Variants in IQUB observed in about 807,000 individuals in gnomAD.
IQUB encodes the protein IQ motif and ubiquitin-like domain-containing protein.
A neutral mutation model predicts 86.4 loss-of-function variants in IQUB; 86 were observed. The ratio of observed to expected loss-of-function variants is 1.00; its 90% confidence interval spans 0.84 to 1.19. The LOEUF is 1.19. Among genes scored for constraint, IQUB ranks in the 50% most tolerant of loss-of-function variants. The pLI is 0.00. For synonymous variants in IQUB, 289 were observed against 304.5 expected, an observed-to-expected ratio of 0.95 and a Z score of 0.53; for missense variants, 946 against 916.9, an observed-to-expected ratio of 1.03 and a Z score of -0.41.
At chr7:123,480,115 G>A in intron 7 of IQUB, 145 bp from the exon 8 acceptor site, 1 of 621,700 alleles carries the variant, frequency 1.6e-6, no homozygotes, top group Non-Finnish European at 2.7e-6. Context: ...CCTGATGCAT[G>A]AAAAAAGTGA....
chr7:123,514,809 G>C (rs1796570507), intron 1 of IQUB, among the ~76,000 whole-genome samples: 1 of 152,044 alleles, frequency 6.6e-6, no homozygotes, highest in Admixed American at 6.6e-5. Context: ...TTCAGGTATA[G>C]ATGTTATTTC....
chr7:123,495,428 T>C (rs1334142813), intron 7 of IQUB, among the ~76,000 whole-genome samples: 3 of 151,944 alleles, frequency 2.0e-5, no homozygotes, highest in African/African-American at 7.2e-5. Flanking sequence ...TGTAGCCAAT[T>C]AGAAAGGAAA....
chr7:123,530,040 A>C (rs1281147403), intron 1 of IQUB, among the ~76,000 whole-genome samples: 2 of 151,612 alleles, frequency 1.3e-5, no homozygotes, highest in African/African-American at 4.9e-5. Context: ...TCAAAAAGAA[A>C]ACAAAACAAA....
chr7:123,466,895 A>G (rs1017350792), intron 9 of IQUB, among the ~76,000 whole-genome samples: 1 of 152,066 alleles, frequency 6.6e-6, no homozygotes, highest in African/African-American at 2.4e-5. Flanking sequence ...CCATGCAGTT[A>G]CCTAATCCAT....
At chr7:123,455,420 T>A (rs998513260) in intron 12 of IQUB, among the ~76,000 whole-genome samples, 6 of 152,130 alleles carry the variant, frequency 3.9e-5, no homozygotes, top group Admixed American at 3.3e-4. Context: ...ACATTTTTTA[T>A]TCTGTTCAGA....
Position 123,479,775 on chromosome 7 carries a change from A to C in IQUB, c.1410+20T>G, listed in dbSNP as rs767910842. 10 of 1,568,898 alleles carry C rather than the reference A, an allele frequency of 6.4e-6. No homozygotes were observed. In the Admixed American group the frequency reaches 8.9e-5, roughly 14 times the overall value. ...TAACTCAGAATACATTCATATTTAA[A>C]TAGTAGTCACTTCACTAACCTTATC... is the stretch of plus-strand genomic sequence containing the variant. On this transcript the variant is annotated intron_variant, in intron 8 of 12. Transcript: ENST00000324698.
chr7:123,525,495 G>A (rs1301677777), intron 1 of IQUB, among the ~76,000 whole-genome samples: 1 of 152,132 alleles, frequency 6.6e-6, no homozygotes, highest in Non-Finnish European at 1.5e-5. Context: ...GCGTAGAGGT[G>A]TTTGTAGTAT....
intron 1 of IQUB, among the ~76,000 whole-genome samples, chr7:123,521,502 C>A (rs1314229496): frequency 6.6e-6 from 1 of 152,020 alleles, no homozygotes; most frequent in Non-Finnish European, 1.5e-5. Flanking sequence ...CTTAGCCGGG[C>A]ATTGTATTGT....
At chr7:123,454,374 CATATT>C (rs919920174) in intron 12 of IQUB, among the ~76,000 whole-genome samples, 13 of 151,710 alleles carry the variant, frequency 8.6e-5, no homozygotes, top group African/African-American at 2.9e-4. Context: ...AATATATTTC[CATATT>C]ATATTATTTA....
Position 123,469,645 on chromosome 7 carries a change from T to C in IQUB, c.1411-261A>G, listed in dbSNP as rs189699637. On this transcript the variant is annotated intron_variant, in intron 8 of 12. Transcript: ENST00000324698. ...TTCAGGATTTGCTACTAGTTTTTTATGTTGAATTGTTTGAGAGATGTATGG... is the reference window on the plus strand; with the variant it reads ...TTCAGGATTTGCTACTAGTTTTTTACGTTGAATTGTTTGAGAGATGTATGG... Among the ~76,000 whole-genome samples the C allele has an allele frequency of 5.3e-3, 811 of 152,316 alleles. 10 individuals are homozygous for C. Among genetic ancestry groups the C allele is most frequent in the Non-Finnish European group, 7.1e-3 (481 of 68,028 alleles).
chr7:123,478,597 G>A (rs1478594468), intron 8 of IQUB, among the ~76,000 whole-genome samples: 1 of 152,000 alleles, frequency 6.6e-6, no homozygotes, highest in Non-Finnish European at 1.5e-5. Flanking sequence ...GTATGCTAAA[G>A]CAGAGGACTT....
At chr7:123,528,176 G>A (rs1240762607) in intron 1 of IQUB, among the ~76,000 whole-genome samples, 2 of 152,168 alleles carry the variant, frequency 1.3e-5, no homozygotes, top group African/African-American at 4.8e-5. Flanking sequence ...GCTTCGGCTC[G>A]CGCACGGTGC....
At chr7:123,482,133 TCTGA>T (rs554589042) in intron 7 of IQUB, among the ~76,000 whole-genome samples, 275 of 152,166 alleles carry the variant, frequency 1.8e-3, no homozygotes, top group African/African-American at 5.7e-3. Flanking sequence ...TGATGAAAGG[TCTGA>T]CTGTCATGAA....
intron 7 of IQUB, among the ~76,000 whole-genome samples, chr7:123,491,441 G>A (rs1346517654): frequency 6.6e-6 from 1 of 152,012 alleles, no homozygotes; most frequent in Non-Finnish European, 1.5e-5. Context: ...TAAATCCCTA[G>A]GCAGACTGAT....
intron 12 of IQUB, among the ~76,000 whole-genome samples, chr7:123,455,525 C>T (rs1202833101): frequency 6.6e-6 from 1 of 151,926 alleles, no homozygotes; most frequent in Non-Finnish European, 1.5e-5. Flanking sequence ...TTTATTCATG[C>T]CAAAAAAAAC....
chr7:123,469,416 GTTAA>G (rs1794425798), intron 8 of IQUB, 32 bp from the exon 9 acceptor site: 3 of 1,346,712 alleles, frequency 2.2e-6, no homozygotes, highest in Admixed American at 4.7e-5. Flanking sequence ...ATAATTATCA[GTTAA>G]TTAGAAACTA....
chr7:123,525,752 A>T (rs1022629775), intron 1 of IQUB, among the ~76,000 whole-genome samples: 7 of 151,732 alleles, frequency 4.6e-5, no homozygotes, highest in African/African-American at 1.2e-4. Context: ...AGCTTTTGAA[A>T]GTGTTTGCTC....
intron 1 of IQUB, among the ~76,000 whole-genome samples, chr7:123,520,134 C>A (rs889264729): frequency 1.3e-5 from 2 of 152,046 alleles, no homozygotes; most frequent in Non-Finnish European, 2.9e-5. Context: ...TTATTGGACA[C>A]ACGTGATTAT....
rs373124419 is a variant in IQUB, at chr7:123,503,376, A to C, written c.533-13T>G. 3 of 1,414,488 alleles carry C rather than the reference A, an allele frequency of 2.1e-6. No individual in the cohort carries two copies. The highest frequency in any genetic ancestry group is 2.9e-6 in the Non-Finnish European group (3 of 1,038,888). 87.6% of individuals were successfully genotyped at this position (1,414,488 alleles called of 1,614,324 possible). ...TTAAGAATTTTTCCTAAAAATTGAA[A>C]TAAAATTTTTAAAAGTTTTATGACA... On this transcript the variant is annotated splice_polypyrimidine_tract_variant and intron_variant, in intron 3 of 12. Transcript: ENST00000324698.
Sources: gnomAD v4.1 joint callset for allele counts (sites outside exome capture counted in the v4.1 genomes callset) on GRCh38, gnomAD v4.1.1 for gene constraint, MANE v1.5 for transcripts, NCBI Gene and HGNC (gene_info 2026-07-23, HGNC 2026-07-21) for gene names.